The following PLEKHA2 variants were observed in gnomAD, a reference collection of about 807,000 sequenced individuals.
The protein encoded by PLEKHA2 is pleckstrin homology domain containing A2, also known as pleckstrin homology domain-containing family A member 2.
Under a neutral mutation model 53.2 loss-of-function variants are expected in PLEKHA2, and 28 were observed. That is an observed-to-expected ratio of 0.53 (90% CI 0.39 to 0.72). The LOEUF is 0.72. PLEKHA2 is among the 30% of genes least tolerant of loss of function. PLEKHA2 has a pLI of 0.00. For missense variants in PLEKHA2, 426 were observed against 537.9 expected (o/e 0.79, Z 2.06); for synonymous variants, 193 against 196.4 (o/e 0.98, Z 0.14).
intron 1 of PLEKHA2, 28 bp downstream of exon 1, chr8:38,901,473 G>C (rs1270939818): frequency 6.6e-6 from 1 of 151,798 alleles, no homozygotes; most frequent in Non-Finnish European, 1.5e-5. Context: ...GCGGGCTCGG[G>C]AGTGGAGAGG....
At chr8:38,962,671 C>G (rs893519647) in intron 10 of PLEKHA2, among the ~76,000 whole-genome samples, 3 of 152,188 alleles carry the variant, frequency 2.0e-5, no homozygotes, top group African/African-American at 7.2e-5. Flanking sequence ...CATAGAATGT[C>G]AAGGGAATTA....
rs543140988 is a variant in PLEKHA2, at chr8:38,902,707, A to C, written c.-24+1262A>C. Among the ~76,000 whole-genome samples, 13 of 152,360 alleles carry C rather than the reference A, an allele frequency of 8.5e-5. 1 individual carries two copies. In the South Asian group the frequency reaches 2.7e-3, roughly 32 times the overall value. ...CAGCAAAGCAAAAGATCTTGAAAGA[A>C]TAGAAGTTTTTGCTTTCTATTTCAG... On this transcript the variant is annotated intron_variant, in intron 1 of 11. Coordinates refer to ENST00000617275, the MANE Select transcript of PLEKHA2 (RefSeq NM_021623.2).
rs1350029888 is a variant in PLEKHA2 at position 38,970,438 on chromosome 8, A to C, written c.*655A>C. 6.3e-6 allele frequency: 1 copy of C among 157,952 alleles called. No homozygotes were observed. Among genetic ancestry groups the C allele is most frequent in the Non-Finnish European group, 1.4e-5 (1 of 71,882 alleles). 9.8% of individuals were successfully genotyped at this position (157,952 alleles called of 1,614,324 possible). On this transcript the variant is annotated 3_prime_UTR_variant, in exon 12 of 12. Coordinates refer to ENST00000617275, the MANE Select transcript of PLEKHA2 (RefSeq NM_021623.2). ...ATTTTTAATGAAATAGAAGCTTGGC[A>C]TAGAAACATTGATTTAGATGTTATG...
Position 38,969,666 on chromosome 8 carries a change from C to T in PLEKHA2, c.1161C>T (p.Ser387=), listed in dbSNP as rs1428730976. 1.4e-4 allele frequency: 224 copies of T among 1,589,480 alleles called. No individual in the cohort carries two copies. Among genetic ancestry groups the T allele is most frequent in the Non-Finnish European group, 1.8e-4 (208 of 1,168,196 alleles). ...TCACGCCTCGTCCTGGGGAGGGCAG[C>T]GCTCCTGGGGTGCTGCCCAGCTCCC... ...SLFTPRPGEG[S]APGVLPSSRI... The change falls in exon 12 of 12, where the codon AGC becomes AGT. Residue 387 remains serine, a synonymous_variant. Coordinates refer to ENST00000617275, the MANE Select transcript of PLEKHA2 (RefSeq NM_021623.2).
chr8:38,949,162 T>G (rs900481243), intron 5 of PLEKHA2, among the ~76,000 whole-genome samples: 1 of 151,932 alleles, frequency 6.6e-6, no homozygotes, highest in Non-Finnish European at 1.5e-5. Context: ...TGAGCCACTG[T>G]GCCTGGCCGA....
intron 1 of PLEKHA2, among the ~76,000 whole-genome samples, chr8:38,904,247 A>AT (rs1486326355): frequency 6.6e-6 from 1 of 152,220 alleles, no homozygotes; most frequent in Non-Finnish European, 1.5e-5. Context: ...TTTGTTATGC[A>AT]TTAAAGCCGG....
At chr8:38,937,698 G>A (rs556961355) in intron 3 of PLEKHA2, among the ~76,000 whole-genome samples, 37 of 152,286 alleles carry the variant, frequency 2.4e-4, no homozygotes, top group African/African-American at 8.4e-4. Context: ...CTGCCACTGG[G>A]TCGGGTTACA....
intron 3 of PLEKHA2, among the ~76,000 whole-genome samples, chr8:38,942,911 C>G (rs1277542689): frequency 6.6e-6 from 1 of 152,162 alleles, no homozygotes; most frequent in Admixed American, 6.5e-5. Context: ...ATTCCATCAG[C>G]CCCTCTCTGG....
chr8:38,947,002 C>T (rs1012639865), intron 5 of PLEKHA2, among the ~76,000 whole-genome samples: 5 of 152,130 alleles, frequency 3.3e-5, no homozygotes, highest in African/African-American at 9.7e-5. Flanking sequence ...AATTATCCTC[C>T]CAGATTTCTC....
intron 2 of PLEKHA2, among the ~76,000 whole-genome samples, chr8:38,926,381 C>CT (rs545129514): frequency 0.12 from 16,816 of 137,226 alleles, 1,193 homozygotes; most frequent in East Asian, 0.22. Flanking sequence ...TTAAAAAGTA[C>CT]TTTTTTTTTT....
chr8:38,920,743 G>A (rs73615951), intron 2 of PLEKHA2, among the ~76,000 whole-genome samples: 29,190 of 151,132 alleles, frequency 0.19, 3,510 homozygotes, highest in Non-Finnish European at 0.28. Context: ...TTTATTTTTT[G>A]TAGAGATGGA....
chr8:38,954,686 A>G (rs1397093075), intron 9 of PLEKHA2, among the ~76,000 whole-genome samples: 1 of 152,088 alleles, frequency 6.6e-6, no homozygotes, highest in Non-Finnish European at 1.5e-5. Flanking sequence ...TAATCAATTA[A>G]TATTTGTTGA....
chr8:38,917,240 T>C (rs1323185267), intron 1 of PLEKHA2, among the ~76,000 whole-genome samples: 1 of 152,210 alleles, frequency 6.6e-6, no homozygotes, highest in African/African-American at 2.4e-5. Flanking sequence ...CTTCACTTTG[T>C]TGATTGTTTC....
intron 10 of PLEKHA2, among the ~76,000 whole-genome samples, chr8:38,962,800 A>G (rs558609185): frequency 3.9e-5 from 6 of 152,370 alleles, no homozygotes; most frequent in African/African-American, 1.4e-4. Flanking sequence ...AAGAGTAGCA[A>G]TAAGTGGACT....
intron 3 of PLEKHA2, among the ~76,000 whole-genome samples, chr8:38,939,431 A>G (rs984047837): frequency 2.6e-5 from 4 of 152,176 alleles, no homozygotes; most frequent in South Asian, 2.1e-4. Flanking sequence ...TCGCCCTTCC[A>G]TGGTAAGCCA....
At chr8:38,919,469 G>A (rs1412717503) in intron 2 of PLEKHA2, among the ~76,000 whole-genome samples, 2 of 152,220 alleles carry the variant, frequency 1.3e-5, no homozygotes, top group Admixed American at 6.5e-5. Flanking sequence ...GAACAGCAAG[G>A]TCACAGGTCA....
At chr8:38,947,088 T>G (rs1834729209) in intron 5 of PLEKHA2, among the ~76,000 whole-genome samples, 1 of 152,170 alleles carries the variant, frequency 6.6e-6, no homozygotes. Context: ...CCAACCTGAG[T>G]GTAATTGAGT....
intron 10 of PLEKHA2, among the ~76,000 whole-genome samples, chr8:38,962,058 C>A (rs1245102867): frequency 6.6e-6 from 1 of 152,164 alleles, no homozygotes; most frequent in African/African-American, 2.4e-5. Context: ...GAAATTATCT[C>A]CAGTTTACAC....
chr8:38,932,996 G>T (rs1403187115), intron 2 of PLEKHA2, among the ~76,000 whole-genome samples: 4 of 152,212 alleles, frequency 2.6e-5, no homozygotes, highest in Non-Finnish European at 5.9e-5. Flanking sequence ...TGCCAGGGAG[G>T]CCAGGACAGA....
Sources: allele counts gnomAD v4.1 joint callset (sites outside exome capture counted in the v4.1 genomes callset), GRCh38; gene constraint gnomAD v4.1.1; transcripts MANE v1.5; gene names NCBI Gene and HGNC (gene_info 2026-07-23, HGNC 2026-07-21).